ARHGAP36: variants seen among roughly 807,000 people sequenced by gnomAD.
ARHGAP36 encodes the protein rho GTPase-activating protein 36.
ARHGAP36 carries 7 observed loss-of-function variants against 32.9 expected under a neutral mutation model. The observed-to-expected ratio is 0.21, with a 90% CI of 0.12 to 0.40. The LOEUF (loss-of-function observed/expected upper bound fraction) is 0.40. Among genes scored for constraint, ARHGAP36 ranks in the 10% least tolerant of loss-of-function variants. ARHGAP36 has a pLI of 1.00. For synonymous variants in ARHGAP36, 165 were observed against 168.3 expected, an observed-to-expected ratio of 0.98 and a Z score of 0.15; for missense variants, 383 against 442.2, an observed-to-expected ratio of 0.87 and a Z score of 1.20.
In ARHGAP36 at chrX:131,062,471, G is replaced by T. The variant is rs145033528; in HGVS notation, c.-143+4027G>T. Reference sequence around the variant, plus strand: ...AGTTTAAATGTAATGACTAGATCCGGCCAGCCAACCATGATCTTCCCAATG... The same window carrying T: ...AGTTTAAATGTAATGACTAGATCCGTCCAGCCAACCATGATCTTCCCAATG... On this transcript the variant is annotated intron_variant, in intron 1 of 11. Coordinates refer to ENST00000276211, the MANE Select transcript of ARHGAP36 (RefSeq NM_144967.4). 3.5e-3 allele frequency among the ~76,000 whole-genome samples: 383 copies of T among 110,932 alleles called. 2 individuals are homozygous for T. Among genetic ancestry groups the T allele is most frequent in the African/African-American group, 0.012 (369 of 30,512 alleles).
At chrX:131,073,860 A>G (rs758240579) in intron 1 of ARHGAP36, among the ~76,000 whole-genome samples, 1 of 111,112 alleles carries the variant, frequency 9.0e-6, no homozygotes, top group East Asian at 2.8e-4. Context: ...ATGGATAGAC[A>G]GACAGACAGA....
At chrX:131,082,440 A>AG in intron 2 of ARHGAP36, among the ~76,000 whole-genome samples, 1 of 112,611 alleles carries the variant, frequency 8.9e-6, no homozygotes, top group East Asian at 2.8e-4. Context: ...TGCCCACCTC[A>AG]GCTGGCTGCC....
chrX:131,063,182 A>G (rs1022240239), intron 1 of ARHGAP36, among the ~76,000 whole-genome samples: 9 of 111,957 alleles, frequency 8.0e-5, no homozygotes, highest in African/African-American at 2.6e-4. Context: ...TTGTTCTCAC[A>G]TGTATCAGCA....
intron 1 of ARHGAP36, among the ~76,000 whole-genome samples, chrX:131,071,307 A>G (rs1757319871): frequency 9.0e-6 from 1 of 111,184 alleles, no homozygotes; most frequent in Non-Finnish European, 1.9e-5. Flanking sequence ...GAATGTATAA[A>G]GGGGCAGCAC....
chrX:131,079,562 GT>G lies in ARHGAP36; in HGVS notation c.-142-1949del, dbSNP rs11417328. 6.7e-3 allele frequency among the ~76,000 whole-genome samples: 628 copies of G among 93,081 alleles called. 4 individuals are homozygous for G. Among genetic ancestry groups the G allele is most frequent in the African/African-American group, 0.021 (525 of 25,180 alleles). 80.8% of individuals were successfully genotyped at this position (93,081 alleles called of 115,157 possible). On this transcript the variant is annotated intron_variant, in intron 1 of 11. Coordinates refer to ENST00000276211, the MANE Select transcript of ARHGAP36 (RefSeq NM_144967.4). ...GTTTGTTTTTTGTTTTTTGTTTTTT[GT>G]TTTTTTTTTTTTGGACAGAAGGTAG...
chrX:131,065,655 G>T (rs112098164), intron 1 of ARHGAP36, among the ~76,000 whole-genome samples: 1 of 111,245 alleles, frequency 9.0e-6, no homozygotes, highest in Admixed American at 9.5e-5. Context: ...TAAGACTGAC[G>T]TATTTAGGCT....
chrX:131,065,079 G>A (rs1480859428), intron 1 of ARHGAP36, among the ~76,000 whole-genome samples: 2 of 110,890 alleles, frequency 1.8e-5, no homozygotes, highest in Non-Finnish European at 3.8e-5. Context: ...CTGCGTGTCT[G>A]TGTGTCCATC....
chrX:131,070,083 A>T (rs749644274), intron 1 of ARHGAP36, among the ~76,000 whole-genome samples: 1 of 112,507 alleles, frequency 8.9e-6, no homozygotes, highest in African/African-American at 3.2e-5. Context: ...GCAGGGATGG[A>T]GGGCAGTGGC....
At chrX:131,080,310 C>T (rs1457757253) in intron 1 of ARHGAP36, among the ~76,000 whole-genome samples, 1 of 110,830 alleles carries the variant, frequency 9.0e-6, no homozygotes, top group Non-Finnish European at 1.9e-5. Flanking sequence ...TCTCACAATA[C>T]TTTGTTTATA....
In ARHGAP36 at chrX:131,086,674, C is replaced by T. The variant is rs564073182; in HGVS notation, c.1486+9C>T. ...CAAGCCTTCTGATGAAGGTCAGTTC[C>T]CTGCTGGAGGTCAGGCCCTTGCTGA... On this transcript the variant is annotated intron_variant, in intron 11 of 11. Transcript: ENST00000276211. The T allele has an allele frequency of 5.9e-4, 708 of 1,204,066 alleles. 2 individuals are homozygous for T. In the South Asian group the frequency reaches 0.012, roughly 20 times the overall value.
At chrX:131,078,722 A>G in intron 1 of ARHGAP36, 3 of 980,466 alleles carry the variant, frequency 3.1e-6, no homozygotes, top group Non-Finnish European at 4.0e-6. Context: ...TCTGTATTGT[A>G]TGCTACTGGC....
At chrX:131,077,972 G>T (rs1384156143) in intron 1 of ARHGAP36, among the ~76,000 whole-genome samples, 1 of 109,601 alleles carries the variant, frequency 9.1e-6, no homozygotes. Flanking sequence ...GCTGAAATTG[G>T]AGAATGAAGA....
At chrX:131,077,279 T>C (rs912858126) in intron 1 of ARHGAP36, among the ~76,000 whole-genome samples, 2 of 112,349 alleles carry the variant, frequency 1.8e-5, no homozygotes, top group African/African-American at 6.5e-5. Context: ...CAGTACCTTC[T>C]GGGCACCCAG....
Position 131,081,516 on chromosome X carries a change from T to C in ARHGAP36, c.-142-8T>C, listed in dbSNP as rs5977412. On this transcript the variant is annotated splice_polypyrimidine_tract_variant and splice_region_variant and intron_variant, in intron 1 of 11. Transcript: ENST00000276211. ...TTTTTGAAGTTGGATTTTTTTTTTC[T>C]TTTTTAGCAAAAACAACCAGAGGCT... The C allele has an allele frequency of 1.9e-6, 2 of 1,048,938 alleles. No individual in the cohort carries two copies. Among genetic ancestry groups the C allele is most frequent in the Non-Finnish European group, 1.2e-6 (1 of 821,602 alleles). The allele number at this position is 1,048,938 out of a possible 1,213,427, so 86.4% of individuals were successfully genotyped here.
rs957677166 is a variant in ARHGAP36, at chrX:131,084,502, G to A, written c.748+95G>A. The A allele has an allele frequency of 4.4e-6, 5 of 1,131,763 alleles. No homozygotes were observed. The African/African-American group carries it at 9.0e-5, about 20-fold the overall frequency. The allele number at this position is 1,131,763 out of a possible 1,213,427, so 93.3% of individuals were successfully genotyped here. A position where few individuals can be genotyped will look rare whatever the true frequency, so the allele number is the denominator to read the frequency against. ...GGGAGAAAAGAGGCCGAGGATGAAG[G>A]GCTTGGATAACATTCCCCTGACACC... On this transcript the variant is annotated intron_variant, in intron 5 of 11. Coordinates refer to ENST00000276211, the MANE Select transcript of ARHGAP36 (RefSeq NM_144967.4).
chrX:131,068,411 C>T (rs1481193304), intron 1 of ARHGAP36, among the ~76,000 whole-genome samples: 1 of 112,076 alleles, frequency 8.9e-6, no homozygotes, highest in Non-Finnish European at 1.9e-5. Context: ...GGTGTTGCCC[C>T]CATGTTCCCC....
rs201399013 is a variant in ARHGAP36 at position 131,081,657 on chromosome X, G to T, written c.-9G>T. ...GATGATGCAGCCTTGATAATCATCC[G>T]ATTCCAGAATGGGTGGCTGCATTCC... On this transcript the variant is annotated 5_prime_UTR_variant, in exon 2 of 12. Coordinates refer to ENST00000276211, the MANE Select transcript of ARHGAP36 (RefSeq NM_144967.4). 1.9e-5 allele frequency: 23 copies of T among 1,197,862 alleles called. No homozygotes were observed. The highest frequency in any genetic ancestry group is 6.7e-6 in the Non-Finnish European group (6 of 891,388).
chrX:131,061,137 T>C (rs1024505799), intron 1 of ARHGAP36, among the ~76,000 whole-genome samples: 6 of 111,225 alleles, frequency 5.4e-5, no homozygotes, highest in Non-Finnish European at 1.1e-4. Flanking sequence ...CAATTTTTTT[T>C]TTGAGGGGCA....
In ARHGAP36 at chrX:131,088,914, C is replaced by G; in HGVS notation, c.*129C>G. 2.1e-6 allele frequency: 2 copies of G among 953,544 alleles called. No homozygotes were observed. Among genetic ancestry groups the G allele is most frequent in the Non-Finnish European group, 2.8e-6 (2 of 716,292 alleles). 78.6% of individuals were successfully genotyped at this position (953,544 alleles called of 1,213,427 possible). A position where few individuals can be genotyped will look rare whatever the true frequency, so the allele number is the denominator to read the frequency against. ...GTAAGAAGGAGTTCCACCTGATGCT[C>G]GGGTCAGGATGAGAATTCCAAACAC... On this transcript the variant is annotated 3_prime_UTR_variant, in exon 12 of 12. Transcript: ENST00000276211.
Sources: allele counts gnomAD v4.1 joint callset (sites outside exome capture counted in the v4.1 genomes callset), GRCh38; gene constraint gnomAD v4.1.1; transcripts MANE v1.5; gene names NCBI Gene and HGNC (gene_info 2026-07-23, HGNC 2026-07-21).